The following PLA2R1 variants were observed in gnomAD, a reference collection of about 807,000 sequenced individuals.
PLA2R1 encodes the protein secretory phospholipase A2 receptor.
PLA2R1 carries 158 observed loss-of-function variants against 195.9 expected under a neutral mutation model. The ratio of observed to expected loss-of-function variants is 0.81; its 90% CI spans 0.71 to 0.92. The LOEUF is 0.92. PLA2R1 is among the 40% of genes least tolerant of loss of function. The pLI is 0.00. For synonymous variants in PLA2R1, 586 were observed against 598.2 expected, an observed-to-expected ratio of 0.98 and a Z score of 0.30; for missense variants, 1,626 against 1,764.6, an observed-to-expected ratio of 0.92 and a Z score of 1.41.
intron 3 of PLA2R1, 58 bp downstream of exon 3, chr2:160,041,967 C>G: frequency 7.3e-7 from 1 of 1,374,724 alleles, no homozygotes; most frequent in Non-Finnish European, 1.0e-6. Context: ...ATACAGATAA[C>G]TTTCTAATCA....
intron 3 of PLA2R1, 32 bp downstream of exon 3, chr2:160,041,993 T>C (rs1348571317): frequency 1.3e-6 from 2 of 1,547,320 alleles, no homozygotes; most frequent in Non-Finnish European, 1.8e-6. Flanking sequence ...GATTCATTCA[T>C]GACATATAGA....
chr2:159,951,443 T>C lies in PLA2R1; in HGVS notation c.3437A>G (p.Lys1146Arg), dbSNP rs980127959. Reference sequence around the variant, plus strand: ...GTCTGTGATGCTGACCAGTTGTGCTTTGTGCATCAGGCAGGTTTTTATTGC... The same window carrying C: ...GTCTGTGATGCTGACCAGTTGTGCTCTGTGCATCAGGCAGGTTTTTATTGC... ...YAAIKTCLMH[K>R]AQLVSITDQY... The change falls in exon 24 of 30, where the codon AAA (lysine) becomes AGA (arginine). Residue 1146 changes from lysine to arginine, a missense_variant. By Grantham distance (26) the Lys-to-Arg change is conservative (BLOSUM62 2). Coordinates refer to ENST00000283243, the MANE Select transcript of PLA2R1 (RefSeq NM_007366.5). The C allele has an allele frequency of 1.2e-6, 2 of 1,613,686 alleles. No individual in the cohort carries two copies. The highest frequency in any genetic ancestry group is 8.5e-7 in the Non-Finnish European group (1 of 1,179,590).
At chr2:159,960,534 T>A (rs983072983) in intron 20 of PLA2R1, among the ~76,000 whole-genome samples, 1 of 152,166 alleles carries the variant, frequency 6.6e-6, no homozygotes, top group Non-Finnish European at 1.5e-5. Flanking sequence ...AATCAAATAT[T>A]GACTAATCCC....
intron 11 of PLA2R1, among the ~76,000 whole-genome samples, chr2:159,993,462 A>ACACC (rs1690976246): frequency 6.6e-6 from 1 of 151,684 alleles, no homozygotes; most frequent in African/African-American, 2.4e-5. Context: ...TTACACACAC[A>ACACC]CACACACACA....
At chr2:159,942,057 G>T (rs1337347062) in intron 29 of PLA2R1, 65 bp from the exon 30 acceptor site, 1 of 1,552,660 alleles carries the variant, frequency 6.4e-7, no homozygotes, top group Non-Finnish European at 8.9e-7. Context: ...TATAGATACT[G>T]TCATACAGCT....
chr2:159,977,151 T>A, intron 15 of PLA2R1, 133 bp downstream of exon 15: 3 of 673,200 alleles, frequency 4.5e-6, no homozygotes, highest in Non-Finnish European at 7.4e-6. Context: ...TATAGAAACA[T>A]TTTTTGCTAA....
At chr2:160,042,406 T>A (rs4426485) in intron 2 of PLA2R1, among the ~76,000 whole-genome samples, 31,230 of 152,160 alleles carry the variant, frequency 0.21, 4,619 homozygotes, top group African/African-American at 0.4. Context: ...TGATACATGG[T>A]TTGCTTATGC....
In PLA2R1 at chr2:159,940,876, T is replaced by G. The variant is rs1687054377; in HGVS notation, c.*902A>C. On this transcript the variant is annotated 3_prime_UTR_variant, in exon 30 of 30. Transcript: ENST00000283243. The stretch of plus-strand genomic sequence containing the variant: ...CTAATGAGACTATAATTCAGATCTT[T>G]AGCTCTTCTCCTTTAAATCCAAGTT... The G allele has an allele frequency of 6.6e-6, 1 of 152,192 alleles. No individual in the cohort carries two copies. Among genetic ancestry groups the G allele is most frequent in the African/African-American group, 2.4e-5 (1 of 41,470 alleles). The allele number at this position is 152,192 out of a possible 1,614,324, so 9.4% of individuals were successfully genotyped here. A position where few individuals can be genotyped will look rare whatever the true frequency, so the allele number is the denominator to read the frequency against.
At chr2:159,954,733 T>C (rs1244344704) in intron 23 of PLA2R1, among the ~76,000 whole-genome samples, 1 of 152,152 alleles carries the variant, frequency 6.6e-6, no homozygotes, top group Non-Finnish European at 1.5e-5. Context: ...GGCTTTGGCA[T>C]TTCACACAGA....
chr2:159,936,699 T>C lies in PLA2R1; in HGVS notation c.*5079A>G, dbSNP rs1047245392. The C allele has an allele frequency of 2.6e-5, 4 of 152,222 alleles. No homozygotes were observed. The highest frequency in any genetic ancestry group is 9.7e-5 in the African/African-American group (4 of 41,450). The allele number at this position is 152,222 out of a possible 1,614,324, so 9.4% of individuals were successfully genotyped here. On this transcript the variant is annotated 3_prime_UTR_variant, in exon 30 of 30. Transcript: ENST00000283243. ...CACGCGAGTGGAAGTGCCACGTGTTTCTTCCTAAACCTGGGAACTTAACAG... is the reference window on the plus strand; with the variant it reads ...CACGCGAGTGGAAGTGCCACGTGTTCCTTCCTAAACCTGGGAACTTAACAG...
intron 7 of PLA2R1, 52 bp from the exon 8 acceptor site, chr2:160,020,315 GA>G: frequency 3.1e-6 from 4 of 1,298,886 alleles, no homozygotes; most frequent in Non-Finnish European, 4.4e-6. Context: ...TTGCAAAGGA[GA>G]TAACACCCTG....
chr2:159,927,836 C>A (rs1002951269), downstream of PLA2R1, among the ~76,000 whole-genome samples: 1 of 152,186 alleles, frequency 6.6e-6, no homozygotes, highest in Non-Finnish European at 1.5e-5. Flanking sequence ...ACACCCAGAT[C>A]AGAACTGGGA....
rs1690910371 is a variant in PLA2R1 at position 159,992,733 on chromosome 2, C to T, written c.1835-5375G>A. Among the ~76,000 whole-genome samples the T allele has an allele frequency of 2.6e-5, 4 of 152,186 alleles. No individual in the cohort carries two copies. In the South Asian group the frequency reaches 8.3e-4, roughly 32 times the overall value. ...TCAATCCTAAGCCAAAAGAACAAAG[C>T]TGGAGGCATCACACTACCTGACTTC... On this transcript the variant is annotated intron_variant, in intron 11 of 29. Transcript: ENST00000283243.
intron 3 of PLA2R1, among the ~76,000 whole-genome samples, chr2:160,035,232 G>C (rs910569945): frequency 1.3e-5 from 2 of 152,186 alleles, no homozygotes; most frequent in African/African-American, 4.8e-5. Context: ...GCTTCTCTAG[G>C]ATAGGCTGCA....
chr2:159,953,881 TG>T (rs1687918010), intron 23 of PLA2R1, among the ~76,000 whole-genome samples: 1 of 152,242 alleles, frequency 6.6e-6, no homozygotes, highest in Admixed American at 6.5e-5. Flanking sequence ...TAGCCCAGGC[TG>T]GAATGCAGTG....
intron 11 of PLA2R1, among the ~76,000 whole-genome samples, chr2:160,004,219 G>C (rs569808281): frequency 6.6e-6 from 1 of 152,350 alleles, no homozygotes; most frequent in East Asian, 1.9e-4. Flanking sequence ...AAAATTTGGA[G>C]TAAAAATACC....
intron 9 of PLA2R1, among the ~76,000 whole-genome samples, 172 bp from the exon 10 acceptor site, chr2:160,013,547 A>G (rs544211465): frequency 1.3e-4 from 20 of 152,280 alleles, no homozygotes; most frequent in African/African-American, 4.8e-4. Context: ...AATGCCATTA[A>G]CTACACCCAC....
At chr2:160,013,721 C>CTGTGTGTGTGTGTGTGTG (rs71000325) in intron 9 of PLA2R1, among the ~76,000 whole-genome samples, 10 of 116,566 alleles carry the variant, frequency 8.6e-5, no homozygotes, top group Admixed American at 1.9e-4. Flanking sequence ...CTCTCTCTCT[C>CTGTGTGTGTGTGTGTGTG]TGTGTGTGTG....
At chr2:160,040,830 T>C (rs1694477947) in intron 3 of PLA2R1, among the ~76,000 whole-genome samples, 1 of 152,250 alleles carries the variant, frequency 6.6e-6, no homozygotes, top group Non-Finnish European at 1.5e-5. Context: ...TTGATGCTGC[T>C]GCTGCTATTG....
Sources: gnomAD v4.1 joint callset for allele counts (sites outside exome capture counted in the v4.1 genomes callset) on GRCh38, gnomAD v4.1.1 for gene constraint, MANE v1.5 for transcripts, NCBI Gene and HGNC (gene_info 2026-07-23, HGNC 2026-07-21) for gene names.